The following EML4 variants were observed in gnomAD, a reference collection of about 807,000 sequenced individuals.
EML4 encodes echinoderm microtubule-associated protein-like 4.
In EML4, 72 loss-of-function variants were observed where a neutral mutation model predicts 129.0. That is an observed-to-expected ratio of 0.56 (90% CI 0.46 to 0.68). The LOEUF (loss-of-function observed/expected upper bound fraction) is 0.68, where lower values mean the gene tolerates loss of function less well. Among genes scored for constraint, EML4 ranks in the 30% least tolerant of loss-of-function variants. EML4 has a pLI of 0.00. For synonymous variants in EML4, 532 were observed against 405.0 expected (o/e 1.31, Z -3.77); for missense variants, 1,363 against 1,190.6 (o/e 1.14, Z -2.13).
intron 2 of EML4, among the ~76,000 whole-genome samples, chr2:42,252,666 G>A (rs753560678): frequency 3.3e-5 from 5 of 152,020 alleles, no homozygotes; most frequent in African/African-American, 4.8e-5. Flanking sequence ...ACTCAATGCC[G>A]CAAATACATA....
intron 1 of EML4, among the ~76,000 whole-genome samples, chr2:42,237,209 G>A (rs965973359): frequency 2.0e-5 from 3 of 152,092 alleles, no homozygotes; most frequent in African/African-American, 7.2e-5. Flanking sequence ...TGCTGGGATT[G>A]TGGGCATGAG....
At chr2:42,217,398 A>C (rs932087869) in intron 1 of EML4, among the ~76,000 whole-genome samples, 2 of 152,168 alleles carry the variant, frequency 1.3e-5, no homozygotes, top group African/African-American at 4.8e-5. Flanking sequence ...TTACTGTAAA[A>C]AAAATTCTTA....
chr2:42,324,124 G>A (rs943238982), intron 19 of EML4, among the ~76,000 whole-genome samples: 2 of 151,330 alleles, frequency 1.3e-5, no homozygotes, highest in African/African-American at 2.4e-5. Context: ...GGGAAACCCC[G>A]TCTGTACTAA....
chr2:42,180,134 T>C (rs751355685), intron 1 of EML4, among the ~76,000 whole-genome samples: 1 of 152,376 alleles, frequency 6.6e-6, no homozygotes, highest in East Asian at 1.9e-4. Context: ...CTTTGCATTA[T>C]ACTTCATAGT....
Position 42,330,058 on chromosome 2 carries a change from C to G in EML4, c.2797C>G (p.Pro933Ala), listed in dbSNP as rs926307635. Reference protein sequence around the residue: ...LENSLEQTVEPSEDHSEEESE... With the variant: ...LENSLEQTVEASEDHSEEESE... ...GAACAGCCTGGAACAAACTGTGGAG[C>G]CAAGTGAAGACCACAGCGAGGAGGA... is the stretch of plus-strand genomic sequence containing the variant. Residue 933 changes from proline (P) to alanine (A), a missense_variant, in exon 23 of 23, where the codon CCA (proline) becomes GCA (alanine). Coordinates refer to ENST00000318522, the MANE Select transcript of EML4 (RefSeq NM_019063.5). 3 of 1,613,188 alleles carry G rather than the reference C, an allele frequency of 1.9e-6. No individual in the cohort carries two copies. Among genetic ancestry groups the G allele is most frequent in the African/African-American group, 1.3e-5 (1 of 74,604 alleles).
In EML4 at chr2:42,332,355, G is replaced by T. The variant is rs1031745467; in HGVS notation, c.*2148G>T. 1.9e-5 allele frequency: 4 copies of T among 210,032 alleles called. No homozygotes were observed. The highest frequency in any genetic ancestry group is 9.1e-5 in the African/African-American group (4 of 43,924). The allele number at this position is 210,032 out of a possible 1,614,324, so 13.0% of individuals were successfully genotyped here. ...GCTGGCAACTACTGTTTAATGGTCA[G>T]TTAAATCTGTGATAATGGTTGGAAG... On this transcript the variant is annotated 3_prime_UTR_variant, in exon 23 of 23. Transcript: ENST00000318522.
chr2:42,235,682 TATATC>T (rs2104233502), intron 1 of EML4, among the ~76,000 whole-genome samples: 1 of 152,264 alleles, frequency 6.6e-6, no homozygotes, highest in South Asian at 2.1e-4. Context: ...GGGATGATAT[TATATC>T]TCATATCATG....
At position 42,263,815 on chromosome 2, in the gene EML4, C is replaced by T. The variant is rs538505954; in HGVS notation, c.641+509C>T. 1.3e-4 allele frequency among the ~76,000 whole-genome samples: 20 copies of T among 151,586 alleles called. No individual in the cohort carries two copies. In the East Asian group the frequency reaches 1.6e-3, roughly 12 times the overall value. ...CACAATCTTGGCTCACTGCAACCTC[C>T]GCCTCCCAGGTGCAAGCGATTGTCC... On this transcript the variant is annotated intron_variant, in intron 5 of 22. Coordinates refer to ENST00000318522, the MANE Select transcript of EML4 (RefSeq NM_019063.5).
intron 17 of EML4, among the ~76,000 whole-genome samples, chr2:42,309,054 T>C (rs750874496): frequency 2.0e-5 from 3 of 152,108 alleles, no homozygotes; most frequent in Non-Finnish European, 4.4e-5. Flanking sequence ...AGAGTGGATA[T>C]GTGTTTTCAG....
chr2:42,182,523 C>T (rs1158579268), intron 1 of EML4, among the ~76,000 whole-genome samples: 2 of 152,158 alleles, frequency 1.3e-5, no homozygotes, highest in Non-Finnish European at 2.9e-5. Context: ...TCCTTACACA[C>T]TTGCCTTGCA....
chr2:42,264,898 T>C (rs1665966386), intron 6 of EML4, 167 bp downstream of exon 6: 5 of 1,550,146 alleles, frequency 3.2e-6, no homozygotes, highest in Admixed American at 2.0e-5. Flanking sequence ...TGTAAGGTAA[T>C]GTCATTTTTG....
At chr2:42,277,120 G>A (rs1666700357) in intron 6 of EML4, among the ~76,000 whole-genome samples, 1 of 152,076 alleles carries the variant, frequency 6.6e-6, no homozygotes, top group Non-Finnish European at 1.5e-5. Context: ...TTTCTAAGTG[G>A]TGATAGAAGC....
In EML4 at chr2:42,328,987, C is replaced by G; in HGVS notation, c.2443C>G (p.Leu815Val). 6.2e-7 allele frequency: 1 copy of G among 1,613,026 alleles called. No individual in the cohort carries two copies. Among genetic ancestry groups the G allele is most frequent in the Non-Finnish European group, 8.5e-7 (1 of 1,179,864 alleles). Reference protein sequence around the residue: ...AVADDFCKVHLFQYPCSKAKA... With the variant: ...AVADDFCKVHVFQYPCSKAKA... ...TGCCGATGACTTTTGTAAAGTCCAT[C>G]TGTTTCAGTATCCCTGCTCCAAAGC... The change falls in exon 22 of 23, where the codon CTG becomes GTG. Residue 815 changes from leucine to valine, a missense_variant. By Grantham distance (32) the Leu-to-Val change is conservative. Coordinates refer to ENST00000318522, the MANE Select transcript of EML4 (RefSeq NM_019063.5).
intron 6 of EML4, among the ~76,000 whole-genome samples, chr2:42,276,255 A>G (rs1329551814): frequency 6.6e-6 from 1 of 152,168 alleles, no homozygotes; most frequent in African/African-American, 2.4e-5. Flanking sequence ...TAAAATTGGC[A>G]GGTTTCACAA....
chr2:42,262,876 T>C (rs1342008284), intron 4 of EML4, among the ~76,000 whole-genome samples: 2 of 152,220 alleles, frequency 1.3e-5, no homozygotes, highest in South Asian at 2.1e-4. Flanking sequence ...CTACAAATTA[T>C]AAGAAACATT....
intron 1 of EML4, among the ~76,000 whole-genome samples, chr2:42,177,447 C>T (rs780394117): frequency 2.6e-5 from 4 of 151,884 alleles, no homozygotes; most frequent in Non-Finnish European, 5.9e-5. Context: ...ATGGTGAGAA[C>T]CCGTCTCTAC....
intron 1 of EML4, among the ~76,000 whole-genome samples, chr2:42,186,707 T>C (rs982794283): frequency 3.9e-5 from 6 of 152,216 alleles, no homozygotes; most frequent in Non-Finnish European, 5.9e-5. Flanking sequence ...CACAGTCCTT[T>C]GTTTTAAAAC....
intron 1 of EML4, among the ~76,000 whole-genome samples, chr2:42,228,216 G>A (rs1049817039): frequency 1.7e-5 from 2 of 114,374 alleles, no homozygotes; most frequent in African/African-American, 6.4e-5. Context: ...GAGAGACTCT[G>A]TCTCAAAAAA....
intron 6 of EML4, among the ~76,000 whole-genome samples, chr2:42,266,632 C>G (rs1460802544): frequency 6.6e-6 from 1 of 151,070 alleles, no homozygotes; most frequent in Non-Finnish European, 1.5e-5. Context: ...GCGTGAGCCA[C>G]CACTTCTGGT....
Sources: allele counts gnomAD v4.1 joint callset (sites outside exome capture counted in the v4.1 genomes callset), GRCh38; gene constraint gnomAD v4.1.1; transcripts MANE v1.5; gene names NCBI Gene and HGNC (gene_info 2026-07-23, HGNC 2026-07-21).